The following SLX4IP variants were observed in gnomAD, a reference collection of about 807,000 sequenced individuals.
The protein encoded by SLX4IP is SLX4 interacting protein, also known as protein SLX4IP.
A neutral mutation model predicts 32.9 loss-of-function variants in SLX4IP; 34 were observed. The observed-to-expected ratio is 1.03, with a 90% CI of 0.79 to 1.38. The LOEUF (loss-of-function observed/expected upper bound fraction) is 1.38, where lower values mean the gene tolerates loss of function less well. SLX4IP is among the 40% of genes most tolerant of loss of function. The pLI is 0.00. For synonymous variants in SLX4IP, 172 were observed against 171.7 expected (o/e 1.00, Z -0.01); for missense variants, 444 against 479.0 (o/e 0.93, Z 0.68).
intron 4 of SLX4IP, among the ~76,000 whole-genome samples, chr20:10,589,201 T>TA (rs990514271): frequency 6.6e-6 from 1 of 152,150 alleles, no homozygotes; most frequent in Non-Finnish European, 1.5e-5. Flanking sequence ...ATGACAACAC[T>TA]AAAAAAACTT....
rs143257409 is a variant in SLX4IP at position 10,621,392 on chromosome 20, C to T, written c.484C>T (p.Arg162Trp). Residue 162 changes from arginine (R) to tryptophan (W), a missense_variant, in exon 7 of 8, where the codon CGG becomes TGG. Transcript: ENST00000334534. ...ESSLPPSAKL[R>W]RNALKEIVKR... is the part of the protein sequence containing the mutation. ...TTCACTTCCTCCCAGTGCAAAGCTC[C>T]GGAGAAATGCTCTGAAAGAAATGTA... 2.4e-5 allele frequency: 39 copies of T among 1,613,960 alleles called. No individual in the cohort carries two copies. The South Asian group carries it at 2.6e-4, about 11-fold the overall frequency.
In SLX4IP at chr20:10,623,247, C is replaced by G. The variant is rs939520712; in HGVS notation, c.1095C>G (p.Leu365=). 2 of 1,614,202 alleles carry G rather than the reference C, an allele frequency of 1.2e-6. No individual in the cohort carries two copies. The highest frequency in any genetic ancestry group is 1.1e-5 in the South Asian group (1 of 91,088). The stretch of plus-strand genomic sequence containing the variant: ...AAGAGTTGCATGTTTTGGAAAGTCT[C>G]TCCTCCAGACATCTTATGAAAAATA... ...SKEELHVLES[L]SSRHLMKNNP... is the part of the protein sequence containing the mutation. Residue 365 remains leucine (L), a synonymous_variant, in exon 8 of 8, where the codon CTC becomes CTG. Transcript: ENST00000334534.
chr20:10,469,900 TAG>T (rs2065410497), intron 2 of SLX4IP, among the ~76,000 whole-genome samples: 2 of 152,196 alleles, frequency 1.3e-5, no homozygotes, highest in Admixed American at 1.3e-4. Flanking sequence ...GCTTCTGTCA[TAG>T]AGTCCTCCTC....
intron 4 of SLX4IP, among the ~76,000 whole-genome samples, chr20:10,563,721 A>C (rs1421009624): frequency 6.6e-6 from 1 of 152,142 alleles, no homozygotes; most frequent in African/African-American, 2.4e-5. Flanking sequence ...GCTCTAAATA[A>C]GTGAACTTAT....
At chr20:10,545,917 T>C (rs2066158094) in intron 2 of SLX4IP, among the ~76,000 whole-genome samples, 1 of 152,240 alleles carries the variant, frequency 6.6e-6, no homozygotes, top group African/African-American at 2.4e-5. Flanking sequence ...TAGTTTGTCA[T>C]AAATTCCTCT....
chr20:10,497,508 A>G (rs1033730715), intron 2 of SLX4IP, among the ~76,000 whole-genome samples: 1 of 152,106 alleles, frequency 6.6e-6, no homozygotes, highest in South Asian at 2.1e-4. Context: ...CTCTTCAAAT[A>G]TGGTTTTCTA....
At chr20:10,551,670 C>A (rs1293373241) in intron 2 of SLX4IP, among the ~76,000 whole-genome samples, 1 of 152,060 alleles carries the variant, frequency 6.6e-6, no homozygotes. Flanking sequence ...ATGGGCTGGT[C>A]CAGAGCAGGG....
chr20:10,492,553 T>G (rs1345523825), intron 2 of SLX4IP, among the ~76,000 whole-genome samples: 1 of 152,214 alleles, frequency 6.6e-6, no homozygotes, highest in Non-Finnish European at 1.5e-5. Context: ...ATCTATATAG[T>G]GATCTTTTGT....
At chr20:10,598,654 A>G in intron 4 of SLX4IP, 21 bp from the exon 5 acceptor site, 1 of 1,611,372 alleles carries the variant, frequency 6.2e-7, no homozygotes, top group Non-Finnish European at 8.5e-7. Context: ...TAACTTAGTG[A>G]TGTTCCCTTT....
intron 2 of SLX4IP, among the ~76,000 whole-genome samples, chr20:10,500,073 C>T (rs1224277889): frequency 6.7e-6 from 1 of 149,938 alleles, no homozygotes; most frequent in African/African-American, 2.5e-5. Context: ...GTGGTCTGAG[C>T]TCTGGGTTTA....
chr20:10,614,306 A>G lies in SLX4IP; in HGVS notation c.406-7008A>G, dbSNP rs573396073. The stretch of plus-strand genomic sequence containing the variant: ...TTCATGAAGTCCTACCTTGAGAACA[A>G]TTTTAAAGACATTGAATAGCTTTTT... On this transcript the variant is annotated intron_variant, in intron 6 of 7. Coordinates refer to ENST00000334534, the MANE Select transcript of SLX4IP (RefSeq NM_001009608.3). The G allele has an allele frequency of 1.9e-5, 11 of 589,310 alleles. No individual in the cohort carries two copies. The African/African-American group carries it at 2.0e-4, about 11-fold the overall frequency. 36.5% of individuals were successfully genotyped at this position (589,310 alleles called of 1,614,324 possible). A position where few individuals can be genotyped will look rare whatever the true frequency, so the allele number is the denominator to read the frequency against.
chr20:10,605,848 C>T (rs1034345332), intron 6 of SLX4IP, among the ~76,000 whole-genome samples: 10 of 152,158 alleles, frequency 6.6e-5, no homozygotes, highest in African/African-American at 2.4e-4. Flanking sequence ...AGCTGCTTCT[C>T]TTAAGGCACA....
rs771124568 is a variant in SLX4IP, at chr20:10,601,715, T to C, written c.317-16T>C. 2 of 1,611,606 alleles carry C rather than the reference T, an allele frequency of 1.2e-6. No individual in the cohort carries two copies. The highest frequency in any genetic ancestry group is 2.2e-5 in the South Asian group (2 of 90,898). Reference sequence around the variant, plus strand: ...TTTTTGACACCTTTAAACTTGTTTTTCTTCATTTTATACAGAACTCTGTGT... The same window carrying C: ...TTTTTGACACCTTTAAACTTGTTTTCCTTCATTTTATACAGAACTCTGTGT... On this transcript the variant is annotated splice_polypyrimidine_tract_variant and intron_variant, in intron 5 of 7. Transcript: ENST00000334534.
chr20:10,477,186 G>A (rs965111703), intron 2 of SLX4IP, among the ~76,000 whole-genome samples: 17 of 151,466 alleles, frequency 1.1e-4, no homozygotes, highest in South Asian at 4.2e-4. Flanking sequence ...TTTTTGAGAC[G>A]GAGTTTCGCT....
intron 2 of SLX4IP, among the ~76,000 whole-genome samples, chr20:10,514,785 T>C (rs2065835753): frequency 1.3e-5 from 2 of 152,152 alleles, no homozygotes; most frequent in African/African-American, 4.8e-5. Flanking sequence ...ATAGGGTGAG[T>C]ATTAATGTAG....
intron 6 of SLX4IP, among the ~76,000 whole-genome samples, chr20:10,611,477 C>T (rs2066965626): frequency 6.6e-6 from 1 of 152,246 alleles, no homozygotes; most frequent in Non-Finnish European, 1.5e-5. Context: ...GTTGGCTTCA[C>T]TCTCAGCTTA....
intron 2 of SLX4IP, among the ~76,000 whole-genome samples, chr20:10,511,098 T>A (rs1001036598): frequency 3.3e-5 from 5 of 152,338 alleles, no homozygotes; most frequent in South Asian, 2.1e-4. Flanking sequence ...TTTGGCAAAA[T>A]GGAACCAAGT....
intron 2 of SLX4IP, among the ~76,000 whole-genome samples, chr20:10,462,808 TTCTTCCC>T (rs1568692255): frequency 6.6e-6 from 1 of 152,210 alleles, no homozygotes; most frequent in Non-Finnish European, 1.5e-5. Context: ...GTATGATCCT[TTCTTCCC>T]CATCATGGAG....
At chr20:10,475,890 C>T (rs2065471979) in intron 2 of SLX4IP, among the ~76,000 whole-genome samples, 1 of 152,178 alleles carries the variant, frequency 6.6e-6, no homozygotes, top group African/African-American at 2.4e-5. Context: ...AATTTAGAGA[C>T]TTTGCTGGAA....
Sources: gnomAD v4.1 joint callset for allele counts (sites outside exome capture counted in the v4.1 genomes callset) on GRCh38, gnomAD v4.1.1 for gene constraint, MANE v1.5 for transcripts, NCBI Gene and HGNC (gene_info 2026-07-23, HGNC 2026-07-21) for gene names.